CSMD1: variants seen among roughly 807,000 people sequenced by gnomAD.
CSMD1 encodes the protein CUB and sushi domain-containing protein 1.
Under a neutral mutation model 417.5 loss-of-function variants are expected in CSMD1, and 213 were observed. The ratio of observed to expected loss-of-function variants is 0.51; its 90% CI spans 0.46 to 0.57. The LOEUF (loss-of-function observed/expected upper bound fraction) is 0.57, where lower values mean the gene tolerates loss of function less well. Among genes scored for constraint, CSMD1 ranks in the 20% least tolerant of loss-of-function variants. The pLI, the probability that CSMD1 is intolerant of heterozygous loss-of-function variation, is 0.00. For synonymous variants in CSMD1, 2,862 were observed against 1,736.8 expected, an observed-to-expected ratio of 1.65 and a Z score of -16.11; for missense variants, 6,923 against 4,529.7, an observed-to-expected ratio of 1.53 and a Z score of -15.17.
chr8:3,796,564 T>G (rs1800161185), intron 5 of CSMD1, among the ~76,000 whole-genome samples: 1 of 146,154 alleles, frequency 6.8e-6, no homozygotes, highest in South Asian at 2.1e-4. Context: ...GATAGATATA[T>G]ATCTATATCT....
chr8:3,467,195 T>G (rs1161090660), intron 12 of CSMD1, among the ~76,000 whole-genome samples: 4 of 152,218 alleles, frequency 2.6e-5, no homozygotes, highest in African/African-American at 9.6e-5. Flanking sequence ...GGACTACTTA[T>G]GTCTCTTCAT....
chr8:4,158,459 C>T (rs953042188), intron 3 of CSMD1, among the ~76,000 whole-genome samples: 1 of 152,034 alleles, frequency 6.6e-6, no homozygotes, highest in Admixed American at 6.5e-5. Context: ...AACAGTAATA[C>T]TAATACAGCC....
chr8:4,457,463 T>C (rs1177077837), intron 2 of CSMD1, among the ~76,000 whole-genome samples: 1 of 152,114 alleles, frequency 6.6e-6, no homozygotes, highest in Non-Finnish European at 1.5e-5. Context: ...AAAGTCTTGC[T>C]TATTGGAAAA....
intron 1 of CSMD1, among the ~76,000 whole-genome samples, chr8:4,915,661 G>A (rs985314639): frequency 3.9e-5 from 6 of 152,174 alleles, no homozygotes; most frequent in Non-Finnish European, 8.8e-5. Context: ...CTCGGACGAG[G>A]GAACGTTAGC....
At position 3,406,083 on chromosome 8, in the gene CSMD1, G is replaced by T. The variant is rs199563523; in HGVS notation, c.2210C>A (p.Thr737Asn). 108 of 1,613,840 alleles carry T rather than the reference G, an allele frequency of 6.7e-5. No homozygotes were observed. The highest frequency in any genetic ancestry group is 8.6e-5 in the Non-Finnish European group (101 of 1,179,888). ...FVKTQGSESI[T>N]CILQDGNVVW... ...CACGTTCCCGTCTTGCAGTATGCAG[G>T]TAATGGACTCGGATCCCTGGGTCTT... The change falls in exon 15 of 70, where the codon ACC (threonine) becomes AAC (asparagine). Residue 737 changes from threonine to asparagine, a missense_variant. Physicochemically the swap from Thr to Asn is moderately conservative, Grantham distance 65. Transcript: ENST00000635120.
intron 3 of CSMD1, among the ~76,000 whole-genome samples, chr8:4,111,290 T>C (rs944156865): frequency 7.9e-5 from 12 of 152,172 alleles, no homozygotes; most frequent in Non-Finnish European, 1.5e-4. Flanking sequence ...TGAAATCTTA[T>C]GAGCAGAAGA....
intron 26 of CSMD1, among the ~76,000 whole-genome samples, chr8:3,254,684 T>C (rs1800516124): frequency 6.6e-6 from 1 of 152,230 alleles, no homozygotes; most frequent in Non-Finnish European, 1.5e-5. Context: ...ACTTGTGCAT[T>C]TGTCACTTAG....
intron 7 of CSMD1, among the ~76,000 whole-genome samples, chr8:3,621,150 G>C (rs749622841): frequency 6.6e-6 from 1 of 152,148 alleles, no homozygotes; most frequent in Non-Finnish European, 1.5e-5. Context: ...CTTGATCTCA[G>C]GCTTCTACCC....
intron 5 of CSMD1, among the ~76,000 whole-genome samples, chr8:3,923,274 C>T (rs149116234): frequency 1.3e-5 from 2 of 152,260 alleles, no homozygotes; most frequent in East Asian, 1.9e-4. Flanking sequence ...GTGTCTGACT[C>T]TGGAGCCCAG....
chr8:4,901,115 G>A (rs143141331), intron 1 of CSMD1, among the ~76,000 whole-genome samples: 92 of 152,324 alleles, frequency 6.0e-4, no homozygotes, highest in African/African-American at 2.1e-3. Context: ...ACCCTCGTCA[G>A]TATTACACAG....
At chr8:3,273,396 T>G (rs1802021662) in intron 26 of CSMD1, among the ~76,000 whole-genome samples, 1 of 152,108 alleles carries the variant, frequency 6.6e-6, no homozygotes, top group South Asian at 2.1e-4. Flanking sequence ...AAATTCTCTT[T>G]TTTGGTTGTG....
rs1585672581 is a variant in CSMD1, at chr8:3,212,845, T to TG, written c.4867+1651_4867+1652insC. ...TTTCTTATATACTTTTTTTTTTTTTTTGAGAGAGAGTTTCACTCTTGTTGC... is the reference window on the plus strand; with the variant it reads ...TTTCTTATATACTTTTTTTTTTTTTTGTGAGAGAGAGTTTCACTCTTGTTGC... On this transcript the variant is annotated intron_variant, in intron 30 of 69. Transcript: ENST00000635120. 5.3e-5 allele frequency among the ~76,000 whole-genome samples: 8 copies of TG among 151,412 alleles called. No individual in the cohort carries two copies. The East Asian group carries it at 9.7e-4, about 18-fold the overall frequency.
intron 12 of CSMD1, among the ~76,000 whole-genome samples, chr8:3,423,695 G>C (rs1373314047): frequency 6.6e-6 from 1 of 152,202 alleles, no homozygotes; most frequent in African/African-American, 2.4e-5. Context: ...TCTTACGAAT[G>C]TTCCATCCCA....
chr8:3,009,942 T>C (rs1808252918), intron 52 of CSMD1, among the ~76,000 whole-genome samples: 2 of 152,212 alleles, frequency 1.3e-5, no homozygotes, highest in African/African-American at 4.8e-5. Context: ...ATTTGGACTG[T>C]CTTTGGGGCT....
intron 3 of CSMD1, among the ~76,000 whole-genome samples, chr8:4,311,218 C>A (rs898817723): frequency 6.6e-6 from 1 of 152,070 alleles, no homozygotes; most frequent in African/African-American, 2.4e-5. Flanking sequence ...ATTATAGCAC[C>A]GTTCACAACA....
At chr8:3,949,818 C>A in intron 5 of CSMD1, 1 of 433,616 alleles carries the variant, frequency 2.3e-6, no homozygotes, top group East Asian at 7.0e-5. Context: ...GGGGCAATGA[C>A]CTGCTTCCAT....
chr8:4,681,514 G>A (rs1260984525), intron 1 of CSMD1, among the ~76,000 whole-genome samples: 1 of 152,152 alleles, frequency 6.6e-6, no homozygotes, highest in Admixed American at 6.5e-5. Context: ...TGTTAGGTAA[G>A]CCAAGATCTT....
At chr8:4,538,139 T>C (rs1797194866) in intron 2 of CSMD1, among the ~76,000 whole-genome samples, 1 of 152,004 alleles carries the variant, frequency 6.6e-6, no homozygotes, top group Non-Finnish European at 1.5e-5. Context: ...GTGATGTCAT[T>C]TGGCACAGGT....
chr8:3,299,250 G>C (rs189316864), intron 25 of CSMD1, among the ~76,000 whole-genome samples: 86 of 152,138 alleles, frequency 5.7e-4, no homozygotes, highest in African/African-American at 2.0e-3. Context: ...TCAGGAGTTC[G>C]AGACCAGCCT....
Sources: allele counts gnomAD v4.1 joint callset (sites outside exome capture counted in the v4.1 genomes callset), GRCh38; gene constraint gnomAD v4.1.1; transcripts MANE v1.5; gene names NCBI Gene and HGNC (gene_info 2026-07-23, HGNC 2026-07-21).